PALS1: variants seen among roughly 807,000 people sequenced by gnomAD.
PALS1 encodes the protein protein associated with LIN7 1, MAGUK p55 family member.
A neutral mutation model predicts 78.9 loss-of-function variants in PALS1; 31 were observed. The ratio of observed to expected loss-of-function variants is 0.39; its 90% CI spans 0.30 to 0.53. The LOEUF (loss-of-function observed/expected upper bound fraction) is 0.53. Ranked by LOEUF, PALS1 falls within the 20% of genes least tolerant of loss-of-function variation. The pLI is 0.67. For synonymous variants in PALS1, 276 were observed against 270.9 expected, an observed-to-expected ratio of 1.02 and a Z score of -0.18; for missense variants, 704 against 826.5, an observed-to-expected ratio of 0.85 and a Z score of 1.82.
chr14:67,295,471 C>T (rs1004432085), intron 4 of PALS1, among the ~76,000 whole-genome samples: 4 of 146,544 alleles, frequency 2.7e-5, no homozygotes, highest in Non-Finnish European at 5.9e-5. Context: ...GTCTGGGCGA[C>T]GGAGTGAGAC....
At chr14:67,246,249 C>T (rs574582840) in intron 1 of PALS1, among the ~76,000 whole-genome samples, 2 of 151,770 alleles carry the variant, frequency 1.3e-5, no homozygotes, top group African/African-American at 4.8e-5. Context: ...TCAAGCAATC[C>T]TCCCAAGTAG....
intron 1 of PALS1, among the ~76,000 whole-genome samples, chr14:67,263,617 A>G (rs529014516): frequency 4.6e-5 from 7 of 152,332 alleles, no homozygotes; most frequent in South Asian, 2.1e-4. Context: ...TTCTGATGTC[A>G]TACAGACTTG....
chr14:67,319,821 TGTATTCAGC>T (rs1425787674), intron 11 of PALS1, among the ~76,000 whole-genome samples: 1 of 152,222 alleles, frequency 6.6e-6, no homozygotes, highest in African/African-American at 2.4e-5. Flanking sequence ...TGCTAGCCAT[TGTATTCAGC>T]GTATACATTA....
intron 3 of PALS1, among the ~76,000 whole-genome samples, chr14:67,290,826 C>T (rs1047619706): frequency 2.0e-5 from 3 of 152,254 alleles, no homozygotes; most frequent in African/African-American, 4.8e-5. Flanking sequence ...TGAGCCACTG[C>T]GCCTGGCCAG....
In PALS1 at chr14:67,278,320, GC is replaced by G. The variant is rs1317039522; in HGVS notation, c.-153-696del. Among the ~76,000 whole-genome samples the G allele has an allele frequency of 2.0e-5, 3 of 150,998 alleles. No homozygotes were observed. The East Asian group carries it at 5.8e-4, about 29-fold the overall frequency. On this transcript the variant is annotated intron_variant, in intron 2 of 14. Coordinates refer to ENST00000261681, the MANE Select transcript of PALS1 (RefSeq NM_022474.4). ...CAAAGTGCTGGGATTACAGGCGTGA[GC>G]CACTGCACCCGGCCCAATTCTTTTT...
intron 14 of PALS1, among the ~76,000 whole-genome samples, chr14:67,325,587 T>C (rs977948266): frequency 1.3e-5 from 2 of 152,132 alleles, no homozygotes; most frequent in African/African-American, 4.8e-5. Flanking sequence ...CTGTGTAAAA[T>C]TTAGTGTCCA....
intron 8 of PALS1, among the ~76,000 whole-genome samples, chr14:67,306,491 C>T (rs954241941): frequency 6.6e-6 from 1 of 150,944 alleles, no homozygotes; most frequent in Non-Finnish European, 1.5e-5. Flanking sequence ...TTACAGGCGC[C>T]CGCCACCATG....
chr14:67,268,209 C>G (rs1229911879), intron 1 of PALS1, among the ~76,000 whole-genome samples: 1 of 152,200 alleles, frequency 6.6e-6, no homozygotes, highest in Non-Finnish European at 1.5e-5. Context: ...CCTTCACATT[C>G]TCTCCAGTGC....
At chr14:67,308,550 T>C (rs1242150498) in intron 8 of PALS1, among the ~76,000 whole-genome samples, 2 of 146,626 alleles carry the variant, frequency 1.4e-5, no homozygotes, top group Non-Finnish European at 3.0e-5. Context: ...CTTTTTCTTT[T>C]TTTTTTTTTT....
Position 67,279,101 on chromosome 14 carries a change from C to A in PALS1, c.-70C>A. ...TTGAAGTAACATGGATTTTATACTA[C>A]AGAATCAAGAGAATTGGCTTATAGG... On this transcript the variant is annotated 5_prime_UTR_variant, in exon 3 of 15. Coordinates refer to ENST00000261681, the MANE Select transcript of PALS1 (RefSeq NM_022474.4). 5 of 1,344,732 alleles carry A rather than the reference C, an allele frequency of 3.7e-6. No individual in the cohort carries two copies. The highest frequency in any genetic ancestry group is 4.9e-6 in the Non-Finnish European group (5 of 1,022,056). 83.3% of individuals were successfully genotyped at this position (1,344,732 alleles called of 1,614,324 possible).
intron 1 of PALS1, among the ~76,000 whole-genome samples, chr14:67,251,901 G>A (rs2084069870): frequency 6.6e-6 from 1 of 152,202 alleles, no homozygotes; most frequent in Admixed American, 6.5e-5. Flanking sequence ...GCAAAGAGGG[G>A]CTAGAGATAG....
At chr14:67,297,862 T>C (rs12589091) in intron 4 of PALS1, among the ~76,000 whole-genome samples, 23,516 of 152,136 alleles carry the variant, frequency 0.15, 3,423 homozygotes, top group East Asian at 0.42. Flanking sequence ...TCTATCTTCA[T>C]TGAGCTCAGT....
chr14:67,321,436 C>G (rs2085263786), intron 13 of PALS1, among the ~76,000 whole-genome samples, 177 bp downstream of exon 13: 1 of 152,134 alleles, frequency 6.6e-6, no homozygotes, highest in Non-Finnish European at 1.5e-5. Context: ...TCAGTTTCCT[C>G]AGAGGGAAAA....
intron 1 of PALS1, among the ~76,000 whole-genome samples, chr14:67,242,879 T>C: frequency 6.6e-6 from 1 of 152,210 alleles, no homozygotes; most frequent in Non-Finnish European, 1.5e-5. Flanking sequence ...TAATTTGTTT[T>C]AGAATGTTAA....
Position 67,302,151 on chromosome 14 carries a change from G to A in PALS1, c.801+33G>A, listed in dbSNP as rs750881759. 7.7e-6 allele frequency: 12 copies of A among 1,558,852 alleles called. No homozygotes were observed. The South Asian group carries it at 8.7e-5, about 11-fold the overall frequency. ...TCCCACATACTGTTTTTAAACAAGT[G>A]CATTTTTCTGCTGTTGTGTGCTTCA... On this transcript the variant is annotated intron_variant, in intron 6 of 14. Transcript: ENST00000261681.
intron 2 of PALS1, chr14:67,269,990 G>A (rs1186492158): frequency 6.6e-6 from 1 of 152,198 alleles, no homozygotes; most frequent in Non-Finnish European, 1.5e-5. Context: ...GGACACTAGT[G>A]TAGACTGAAC....
chr14:67,318,194 T>C (rs1041805988), intron 11 of PALS1, among the ~76,000 whole-genome samples: 1 of 152,240 alleles, frequency 6.6e-6, no homozygotes, highest in Non-Finnish European at 1.5e-5. Context: ...CTTATGTAAT[T>C]TATAAGGCTT....
intron 1 of PALS1, among the ~76,000 whole-genome samples, chr14:67,251,733 T>C (rs1308415585): frequency 2.6e-5 from 4 of 152,198 alleles, no homozygotes; most frequent in Admixed American, 1.3e-4. Context: ...CCCTTGGAAT[T>C]TTCTTAAGCA....
intron 13 of PALS1, among the ~76,000 whole-genome samples, chr14:67,321,465 T>C (rs538935336): frequency 3.3e-5 from 5 of 152,184 alleles, no homozygotes; most frequent in African/African-American, 4.8e-5. Context: ...TACTTACATA[T>C]ACAGGTTGAC....
Sources: gnomAD v4.1 joint callset for allele counts (sites outside exome capture counted in the v4.1 genomes callset) on GRCh38, gnomAD v4.1.1 for gene constraint, MANE v1.5 for transcripts, NCBI Gene and HGNC (gene_info 2026-07-23, HGNC 2026-07-21) for gene names.